FHIT: variants seen among roughly 807,000 people sequenced by gnomAD.
FHIT encodes bis(5'-adenosyl)-triphosphatase.
In FHIT, 19 loss-of-function variants were observed where a neutral mutation model predicts 17.9. That is an observed-to-expected ratio of 1.06 (90% CI 0.74 to 1.56). FHIT has a LOEUF of 1.56. Among genes scored for constraint, FHIT ranks in the 40% most tolerant of loss-of-function variants. FHIT has a pLI of 0.00. For missense variants in FHIT, 248 were observed against 189.2 expected (o/e 1.31, Z -1.82); for synonymous variants, 81 against 69.7 (o/e 1.16, Z -0.81).
chr3:60,324,453 C>T (rs931543850), intron 5 of FHIT, among the ~76,000 whole-genome samples: 10 of 151,560 alleles, frequency 6.6e-5, no homozygotes, highest in East Asian at 2.0e-4. Flanking sequence ...GGCGTGGTGG[C>T]GGGTGCCTAT....
intron 4 of FHIT, among the ~76,000 whole-genome samples, chr3:60,567,850 GA>G (rs1047701402): frequency 8.5e-3 from 1,146 of 134,194 alleles, no homozygotes; most frequent in Admixed American, 0.017. Context: ...AAAGACACGT[GA>G]AAAAAACGCT....
chr3:60,635,479 C>A (rs1292806945), intron 4 of FHIT, among the ~76,000 whole-genome samples: 1 of 152,210 alleles, frequency 6.6e-6, no homozygotes, highest in Non-Finnish European at 1.5e-5. Flanking sequence ...AACCACACTA[C>A]CCTTTCCCCA....
chr3:60,400,257 A>G (rs1701610299), intron 5 of FHIT, among the ~76,000 whole-genome samples: 2 of 152,162 alleles, frequency 1.3e-5, no homozygotes, highest in Admixed American at 1.3e-4. Context: ...AGCGGAGAGC[A>G]CATCATGGAG....
intron 8 of FHIT, among the ~76,000 whole-genome samples, chr3:59,772,980 T>C (rs967857743): frequency 7.2e-5 from 11 of 152,272 alleles, no homozygotes; most frequent in Non-Finnish European, 1.6e-4. Flanking sequence ...GTGGCTTACC[T>C]GCCTGTGACC....
At chr3:60,391,290 TTTTG>T (rs1227947452) in intron 5 of FHIT, among the ~76,000 whole-genome samples, 1 of 152,186 alleles carries the variant, frequency 6.6e-6, no homozygotes, top group African/African-American at 2.4e-5. Context: ...TAAAATTTAT[TTTTG>T]TTTATTTATT....
At chr3:60,613,338 A>G (rs2107735995) in intron 4 of FHIT, among the ~76,000 whole-genome samples, 1 of 152,240 alleles carries the variant, frequency 6.6e-6, no homozygotes, top group Admixed American at 6.5e-5. Context: ...GCAGGGAGGG[A>G]TGGCCTGGTG....
At chr3:61,137,676 A>G (rs1482559394) in intron 2 of FHIT, among the ~76,000 whole-genome samples, 2 of 152,176 alleles carry the variant, frequency 1.3e-5, no homozygotes, top group African/African-American at 2.4e-5. Context: ...ACAGACATCC[A>G]TTGAAACTGC....
Position 59,862,732 on chromosome 3 carries a change from G to A in FHIT, c.348+59614C>T, listed in dbSNP as rs191881401. ...ACTAGTGGAGTGAGGAAGTAAGATC[G>A]GGAGGGAAGAAAATGTGTGTTATTA... On this transcript the variant is annotated intron_variant, in intron 8 of 9. Transcript: ENST00000492590. 1.6e-4 allele frequency among the ~76,000 whole-genome samples: 25 copies of A among 152,280 alleles called. No homozygotes were observed. In the East Asian group the frequency reaches 3.7e-3, roughly 22 times the overall value.
At chr3:60,490,564 G>A (rs74320899) in intron 5 of FHIT, among the ~76,000 whole-genome samples, 1,820 of 148,762 alleles carry the variant, frequency 0.012, 37 homozygotes, top group African/African-American at 0.043. Flanking sequence ...CTCTTGCTCC[G>A]TCTCCACAGA....
chr3:60,619,667 C>A (rs998271129), intron 4 of FHIT, among the ~76,000 whole-genome samples: 1 of 140,586 alleles, frequency 7.1e-6, no homozygotes, highest in African/African-American at 2.6e-5. Context: ...CAAAAATTGA[C>A]TCAAAATGAA....
At chr3:60,202,841 A>T (rs1422960780) in intron 5 of FHIT, among the ~76,000 whole-genome samples, 13 of 152,088 alleles carry the variant, frequency 8.5e-5, no homozygotes. Flanking sequence ...ACATTTGTAG[A>T]TATTTTTTCA....
At chr3:60,378,952 A>G (rs1045835142) in intron 5 of FHIT, among the ~76,000 whole-genome samples, 6 of 152,362 alleles carry the variant, frequency 3.9e-5, no homozygotes, top group South Asian at 2.1e-4. Context: ...AAGCACTACA[A>G]TCAAGTAGGT....
intron 5 of FHIT, among the ~76,000 whole-genome samples, chr3:60,150,684 G>A (rs2107329440): frequency 6.6e-6 from 1 of 152,318 alleles, no homozygotes; most frequent in South Asian, 2.1e-4. Context: ...TTAGGAGGCT[G>A]AGGCGGGCAG....
chr3:60,638,764 G>T (rs782726609), intron 4 of FHIT, among the ~76,000 whole-genome samples: 1 of 151,874 alleles, frequency 6.6e-6, no homozygotes, highest in African/African-American at 2.4e-5. Flanking sequence ...CAGAAGAAAC[G>T]TGTTTAAGAA....
At chr3:61,189,413 A>T (rs950952936) in intron 2 of FHIT, among the ~76,000 whole-genome samples, 1 of 152,138 alleles carries the variant, frequency 6.6e-6, no homozygotes, top group African/African-American at 2.4e-5. Context: ...ACTACAAACC[A>T]CTGCTCAGTG....
intron 5 of FHIT, among the ~76,000 whole-genome samples, chr3:60,071,913 C>T (rs1312014450): frequency 6.6e-6 from 1 of 152,172 alleles, no homozygotes; most frequent in African/African-American, 2.4e-5. Flanking sequence ...GCCCTCTTGC[C>T]TGCCACCATG....
chr3:60,342,861 A>G lies in FHIT; in HGVS notation c.103+193999T>C, dbSNP rs188638129. ...TTTACTGGCTTTTTAAGCAAGTTCT[A>G]TCATAGAGGATCTCTCATCCAACCT... is the stretch of plus-strand genomic sequence containing the variant. On this transcript the variant is annotated intron_variant, in intron 5 of 9. Transcript: ENST00000492590. 2.0e-5 allele frequency among the ~76,000 whole-genome samples: 3 copies of G among 152,300 alleles called. No individual in the cohort carries two copies. In the East Asian group the frequency reaches 5.8e-4, roughly 29 times the overall value.
chr3:60,331,677 T>C (rs954013822), intron 5 of FHIT, among the ~76,000 whole-genome samples: 5 of 151,964 alleles, frequency 3.3e-5, no homozygotes, highest in Non-Finnish European at 5.9e-5. Context: ...AGAAACCTCG[T>C]ATCTGCTAAA....
chr3:60,862,223 G>A (rs1703944916), intron 3 of FHIT, among the ~76,000 whole-genome samples: 1 of 152,016 alleles, frequency 6.6e-6, no homozygotes, highest in East Asian at 1.9e-4. Context: ...CTATTGCCCA[G>A]GCTGGAGTGC....
Sources: allele counts gnomAD v4.1 joint callset (sites outside exome capture counted in the v4.1 genomes callset), GRCh38; gene constraint gnomAD v4.1.1; transcripts MANE v1.5; gene names NCBI Gene and HGNC (gene_info 2026-07-23, HGNC 2026-07-21).